KATNA1: variants seen among roughly 807,000 people sequenced by gnomAD.
The protein encoded by KATNA1 is katanin catalytic subunit A1.
In KATNA1, 42 loss-of-function variants were observed where a neutral mutation model predicts 62.6. The observed-to-expected ratio is 0.67, with a 90% CI of 0.52 to 0.87. KATNA1 has a LOEUF of 0.87. KATNA1 is among the 40% of genes least tolerant of loss of function. The pLI, the probability that KATNA1 is intolerant of heterozygous loss-of-function variation, is 0.00. For synonymous variants in KATNA1, 186 were observed against 201.9 expected, an observed-to-expected ratio of 0.92 and a Z score of 0.67; for missense variants, 498 against 612.5, an observed-to-expected ratio of 0.81 and a Z score of 1.97.
intron 1 of KATNA1, among the ~76,000 whole-genome samples, chr6:149,642,048 G>A (rs1226213798): frequency 1.3e-5 from 2 of 152,102 alleles, no homozygotes; most frequent in Admixed American, 6.6e-5. Flanking sequence ...GACTACAGGC[G>A]CTCACCACCA....
chr6:149,644,321 C>G (rs1780400077), intron 1 of KATNA1, among the ~76,000 whole-genome samples: 1 of 151,670 alleles, frequency 6.6e-6, no homozygotes, highest in Admixed American at 6.6e-5. Flanking sequence ...CATTTTCCCA[C>G]TAAAAAAAAT....
At chr6:149,625,977 G>C (rs1779589604) in intron 3 of KATNA1, among the ~76,000 whole-genome samples, 1 of 151,794 alleles carries the variant, frequency 6.6e-6, no homozygotes, top group African/African-American at 2.4e-5. Flanking sequence ...AGTTGAGAAT[G>C]AGAATTTGGG....
chr6:149,631,038 A>G (rs553517092), intron 3 of KATNA1, among the ~76,000 whole-genome samples: 29 of 152,274 alleles, frequency 1.9e-4, no homozygotes, highest in Admixed American at 1.0e-3. Context: ...GCTTATTGCA[A>G]TAAAATAACA....
intron 3 of KATNA1, among the ~76,000 whole-genome samples, chr6:149,627,823 A>T (rs565736761): frequency 6.6e-6 from 1 of 152,032 alleles, no homozygotes; most frequent in South Asian, 2.1e-4. Context: ...ACTGGAGCTG[A>T]GGGAAAGGCA....
At chr6:149,621,523 C>T (rs1450473169) in intron 4 of KATNA1, among the ~76,000 whole-genome samples, 3 of 150,284 alleles carry the variant, frequency 2.0e-5, no homozygotes, top group Non-Finnish European at 3.0e-5. Flanking sequence ...GACTGAGTCT[C>T]GCTCTGTTGG....
intron 10 of KATNA1, 24 bp downstream of exon 10, chr6:149,597,039 C>G: frequency 1.2e-6 from 2 of 1,607,036 alleles, no homozygotes; most frequent in African/African-American, 2.7e-5. Flanking sequence ...TTACAAAAAC[C>G]TATGCTTCCA....
At position 149,638,569 on chromosome 6, in the gene KATNA1, A is replaced by G. The variant is rs1191847203; in HGVS notation, c.-13-9T>C. The G allele has an allele frequency of 1.7e-5, 27 of 1,580,508 alleles. No individual in the cohort carries two copies. The highest frequency in any genetic ancestry group is 2.2e-5 in the Non-Finnish European group (26 of 1,162,738). On this transcript the variant is annotated splice_polypyrimidine_tract_variant and intron_variant, in intron 1 of 10. Coordinates refer to ENST00000367411, the MANE Select transcript of KATNA1 (RefSeq NM_007044.4). The stretch of plus-strand genomic sequence containing the variant: ...TCATGTTCAACTGTAAGCTAAAAAG[A>G]AGAAGAAAAAAAGAAACACTTTAGG...
chr6:149,595,847 GCCC>G (rs1778287044), intron 10 of KATNA1, among the ~76,000 whole-genome samples: 1 of 152,186 alleles, frequency 6.6e-6, no homozygotes, highest in Admixed American at 6.5e-5. Context: ...GCGCAGTCAA[GCCC>G]CTGGTTAATT....
intron 4 of KATNA1, among the ~76,000 whole-genome samples, chr6:149,617,729 G>A (rs187206080): frequency 3.9e-5 from 6 of 152,246 alleles, no homozygotes; most frequent in African/African-American, 1.4e-4. Flanking sequence ...AAGGTCAGGA[G>A]TTCGAAACCA....
Position 149,597,507 on chromosome 6 carries a change from C to T in KATNA1, c.1150G>A (p.Ala384Thr). 6.2e-7 allele frequency: 1 copy of T among 1,613,658 alleles called. No individual in the cohort carries two copies. The highest frequency in any genetic ancestry group is 8.5e-7 in the Non-Finnish European group (1 of 1,179,890). The change falls in exon 9 of 11, where the codon GCA becomes ACA. Residue 384 changes from alanine (A) to threonine (T), a missense_variant and splice_region_variant. Around this residue, in one of 3 missense-constraint regions of KATNA1, gnomAD observed 267 missense variants for 372.6 expected, o/e 0.72. Transcript: ENST00000367411. ...EKRIYIPLPS[A>T]KGREELLRIS... The stretch of plus-strand genomic sequence containing the variant: ...TCTGACAAGATTGAAAGGAAGATAC[C>T]TGACGGCAAAGGAATATAGATTCGT...
At chr6:149,605,538 A>G (rs1778705474) in intron 4 of KATNA1, among the ~76,000 whole-genome samples, 1 of 152,086 alleles carries the variant, frequency 6.6e-6, no homozygotes, top group South Asian at 2.1e-4. Context: ...CAGTCCTTAC[A>G]TGGGATTCCT....
intron 3 of KATNA1, among the ~76,000 whole-genome samples, chr6:149,624,406 GTATT>G (rs1430453046): frequency 6.6e-6 from 1 of 151,904 alleles, no homozygotes; most frequent in Non-Finnish European, 1.5e-5. Flanking sequence ...TCACCTTTAT[GTATT>G]TATTTTTTAT....
At chr6:149,609,808 A>AG (rs1778877996) in intron 4 of KATNA1, among the ~76,000 whole-genome samples, 1 of 144,220 alleles carries the variant, frequency 6.9e-6, no homozygotes, top group African/African-American at 2.6e-5. Context: ...ATCTCAAAAA[A>AG]AAAAAAAATA....
At chr6:149,628,264 A>ATTTT in intron 3 of KATNA1, among the ~76,000 whole-genome samples, 1 of 129,576 alleles carries the variant, frequency 7.7e-6, no homozygotes, top group East Asian at 2.3e-4. Flanking sequence ...TGCCCGGCTA[A>ATTTT]TTTTTTTTTT....
At chr6:149,633,100 ATTT>A (rs368739065) in intron 2 of KATNA1, among the ~76,000 whole-genome samples, 184 bp from the exon 3 acceptor site, 4 of 120,734 alleles carry the variant, frequency 3.3e-5, no homozygotes, top group Non-Finnish European at 5.0e-5. Flanking sequence ...TTCAATTGCA[ATTT>A]TTTTTTTTTT....
chr6:149,638,418 T>C lies in KATNA1; in HGVS notation c.130A>G (p.Lys44Glu), dbSNP rs771529719. ...CATTTCTGCTGGAGGTATGTATCTT[T>C]GACTGAGTACAGATACTTGTTCATT... ...DQMNKYLYSV[K>E]DTYLQQKWQQ... Residue 44 changes from lysine (K) to glutamate (E), a missense_variant, in exon 2 of 11, where the codon AAA becomes GAA. Physicochemically the swap from Lys to Glu is moderately conservative, Grantham distance 56. Transcript: ENST00000367411. 1.9e-6 allele frequency: 3 copies of C among 1,614,012 alleles called. No homozygotes were observed. The highest frequency in any genetic ancestry group is 2.2e-5 in the East Asian group (1 of 44,878).
At chr6:149,618,119 C>T (rs1201781233) in intron 4 of KATNA1, among the ~76,000 whole-genome samples, 1 of 146,570 alleles carries the variant, frequency 6.8e-6, no homozygotes, top group Non-Finnish European at 1.5e-5. Flanking sequence ...CGCACCACTG[C>T]ACTCCAGCCT....
At chr6:149,615,215 T>A (rs1270316486) in intron 4 of KATNA1, among the ~76,000 whole-genome samples, 1 of 151,278 alleles carries the variant, frequency 6.6e-6, no homozygotes, top group Non-Finnish European at 1.5e-5. Flanking sequence ...TGATTTTTTT[T>A]TTTTTTGAGA....
chr6:149,604,772 G>A lies in KATNA1; in HGVS notation c.512C>T (p.Pro171Leu). ...NKGREEKNKS[P>L]AAVTEPETNK... ...TGTCTCTGGTTCTGTTACTGCAGCA[G>A]GTGATTTGTTCTACATGAAGAGAAA... is the stretch of plus-strand genomic sequence containing the variant. The change falls in exon 5 of 11, where the codon CCT becomes CTT. Residue 171 changes from proline (P) to leucine (L), a missense_variant. By Grantham distance (98) the Pro-to-Leu change is moderately conservative (BLOSUM62 -3). This residue lies in a region of KATNA1 where 203 missense variants were observed against 198.4 expected (regional missense o/e 1.02). Transcript: ENST00000367411. The A allele has an allele frequency of 6.2e-7, 1 of 1,613,678 alleles. No homozygotes were observed. The highest frequency in any genetic ancestry group is 8.5e-7 in the Non-Finnish European group (1 of 1,179,774).
Sources: gnomAD v4.1 joint callset for allele counts (sites outside exome capture counted in the v4.1 genomes callset) on GRCh38, gnomAD v4.1.1 for gene constraint, gnomAD v4.1.1 regional missense constraint, MANE v1.5 for transcripts, NCBI Gene and HGNC (gene_info 2026-07-23, HGNC 2026-07-21) for gene names.